PKD2: variants seen among roughly 807,000 people sequenced by gnomAD.
PKD2 encodes the protein polycystin 2, transient receptor potential cation channel.
PKD2 carries 48 observed loss-of-function variants against 105.9 expected under a neutral mutation model. The ratio of observed to expected loss-of-function variants is 0.45; its 90% confidence interval spans 0.36 to 0.58. The LOEUF (loss-of-function observed/expected upper bound fraction) is 0.58. Among genes scored for constraint, PKD2 ranks in the 20% least tolerant of loss-of-function variants. The pLI is 0.00. For synonymous variants in PKD2, 464 were observed against 481.1 expected, an observed-to-expected ratio of 0.96 and a Z score of 0.46; for missense variants, 1,078 against 1,255.3, an observed-to-expected ratio of 0.86 and a Z score of 2.13.
At chr4:88,042,009 C>T (rs1727582718) in intron 4 of PKD2, among the ~76,000 whole-genome samples, 1 of 152,302 alleles carries the variant, frequency 6.6e-6, no homozygotes, top group African/African-American at 2.4e-5. Flanking sequence ...CATGTTTGCC[C>T]TTCACAAGCT....
intron 1 of PKD2, among the ~76,000 whole-genome samples, chr4:88,014,486 T>TTA (rs1553923871): frequency 2.8e-5 from 4 of 144,708 alleles, no homozygotes; most frequent in Non-Finnish European, 6.0e-5. Flanking sequence ...ACACTGTCTC[T>TTA]AAAAAAAAAA....
chr4:88,007,676 A>G lies in PKD2; in HGVS notation c.-58A>G, dbSNP rs2110079898. On this transcript the variant is annotated 5_prime_UTR_variant, in exon 1 of 15. Coordinates refer to ENST00000237596, the MANE Select transcript of PKD2 (RefSeq NM_000297.4). Reference sequence around the variant, plus strand: ...CGGGAAGAAAGGAACATGGCTCCTGAGGCGCACAGCGCCGAGCGCGGCGCC... The same window carrying G: ...CGGGAAGAAAGGAACATGGCTCCTGGGGCGCACAGCGCCGAGCGCGGCGCC... 1 of 1,077,966 alleles carries G rather than the reference A, an allele frequency of 9.3e-7. No homozygotes were observed. The highest frequency in any genetic ancestry group is 1.1e-6 in the Non-Finnish European group (1 of 884,438). 66.8% of individuals were successfully genotyped at this position (1,077,966 alleles called of 1,614,324 possible).
At chr4:88,060,573 A>G (rs1720535508) in intron 9 of PKD2, among the ~76,000 whole-genome samples, 1 of 152,134 alleles carries the variant, frequency 6.6e-6, no homozygotes, top group Admixed American at 6.6e-5. Context: ...GGCCCTTACG[A>G]AGATTCCTCA....
chr4:88,075,668 A>C lies in PKD2; in HGVS notation c.2881A>C (p.Asn961His). ...STEGMEGAGG[N>H]GSSNVHV Reference sequence around the variant, plus strand: ...AGAAGGCATGGAAGGTGCAGGTGGAAATGGGAGTTCTAATGTCCACGTATG... The same window carrying C: ...AGAAGGCATGGAAGGTGCAGGTGGACATGGGAGTTCTAATGTCCACGTATG... The change falls in exon 15 of 15, where the codon AAT (asparagine) becomes CAT (histidine). Residue 961 changes from asparagine (N) to histidine (H), a missense_variant. Asn to His is a moderately conservative substitution (Grantham distance 68). This residue lies in a region of PKD2 where 868 missense variants were observed against 1,067.3 expected (regional missense o/e 0.81). Coordinates refer to ENST00000237596, the MANE Select transcript of PKD2 (RefSeq NM_000297.4). The C allele has an allele frequency of 6.2e-7, 1 of 1,613,370 alleles. No individual in the cohort carries two copies. Among genetic ancestry groups the C allele is most frequent in the Non-Finnish European group, 8.5e-7 (1 of 1,179,352 alleles).
rs924262746 is a variant in PKD2 at position 88,077,023 on chromosome 4, G to A, written c.*1329G>A. On this transcript the variant is annotated 3_prime_UTR_variant, in exon 15 of 15. Coordinates refer to ENST00000237596, the MANE Select transcript of PKD2 (RefSeq NM_000297.4). ...AGAGGGTCTCACCCAAATTTATGGG[G>A]AGAAATCTATTTCTCAAAAAAAAAA... 5 of 151,952 alleles carry A rather than the reference G, an allele frequency of 3.3e-5. No homozygotes were observed. Among genetic ancestry groups the A allele is most frequent in the African/African-American group, 1.2e-4 (5 of 41,382 alleles). 9.4% of individuals were successfully genotyped at this position (151,952 alleles called of 1,614,324 possible).
At chr4:88,075,417 C>T in intron 14 of PKD2, 41 bp from the exon 15 acceptor site, 4 of 1,447,020 alleles carry the variant, frequency 2.8e-6, no homozygotes, top group Non-Finnish European at 3.9e-6. Context: ...AAGGCATTTC[C>T]TTCTACTGCC....
Position 88,075,454 on chromosome 4 carries a change from T to C in PKD2, c.2671-4T>C, listed in dbSNP as rs1157698574. 1 of 1,610,920 alleles carries C rather than the reference T, an allele frequency of 6.2e-7. No homozygotes were observed. Among genetic ancestry groups the C allele is most frequent in the African/African-American group, 1.3e-5 (1 of 74,860 alleles). ...CCAACACCAGTTTCTTTTTCCCTTT[T>C]TAGGATGAAAGGCTGGGTCGTGACA... is the stretch of plus-strand genomic sequence containing the variant. On this transcript the variant is annotated splice_polypyrimidine_tract_variant and splice_region_variant and intron_variant, in intron 14 of 14. Transcript: ENST00000237596.
In PKD2 at chr4:88,034,668, CAA is replaced by C. The variant is rs61534136; in HGVS notation, c.710-1533_710-1532del. Among the ~76,000 whole-genome samples, 22 of 71,880 alleles carry C rather than the reference CAA, an allele frequency of 3.1e-4. 1 individual carries two copies. The highest frequency in any genetic ancestry group is 2.6e-3 in the South Asian group (5 of 1,916). The allele number at this position is 71,880 out of a possible 152,430, so 47.2% of individuals were successfully genotyped here. Reference sequence around the variant, plus strand: ...GGGCAACAACAGTGAAACTCCGTCTCAAAAAAAAAAAAAAAAAAAAGGCAGAG... The same window carrying C: ...GGGCAACAACAGTGAAACTCCGTCTCAAAAAAAAAAAAAAAAAAGGCAGAG... On this transcript the variant is annotated intron_variant, in intron 2 of 14. Coordinates refer to ENST00000237596, the MANE Select transcript of PKD2 (RefSeq NM_000297.4).
intron 5 of PKD2, among the ~76,000 whole-genome samples, chr4:88,046,102 C>A (rs1178359707): frequency 2.7e-5 from 4 of 150,102 alleles, no homozygotes; most frequent in African/African-American, 7.4e-5. Flanking sequence ...CCAACCTGGG[C>A]AAAAGGGCAA....
intron 13 of PKD2, among the ~76,000 whole-genome samples, chr4:88,071,920 C>T (rs1721048005): frequency 6.6e-6 from 1 of 151,084 alleles, no homozygotes; most frequent in South Asian, 2.1e-4. Context: ...ATTTGCTCCA[C>T]AGTCTGATCC....
At chr4:88,048,963 C>A (rs939461092) in intron 6 of PKD2, among the ~76,000 whole-genome samples, 3 of 152,172 alleles carry the variant, frequency 2.0e-5, no homozygotes, top group Non-Finnish European at 2.9e-5. Flanking sequence ...AGGATGCAAA[C>A]CCTGCCTCTT....
chr4:88,056,026 A>T, intron 7 of PKD2, 60 bp from the exon 8 acceptor site: 1 of 1,032,168 alleles, frequency 9.7e-7, no homozygotes, highest in Non-Finnish European at 1.5e-6. Context: ...ATGTTTTATT[A>T]TATACAGTCA....
chr4:88,064,379 G>A (rs1720706590), intron 10 of PKD2, among the ~76,000 whole-genome samples: 1 of 152,168 alleles, frequency 6.6e-6, no homozygotes, highest in Non-Finnish European at 1.5e-5. Flanking sequence ...ACATTTTAGT[G>A]TATTAAATCA....
chr4:88,026,476 C>T (rs925231483), intron 2 of PKD2, among the ~76,000 whole-genome samples: 2 of 152,038 alleles, frequency 1.3e-5, no homozygotes, highest in Admixed American at 1.3e-4. Flanking sequence ...TATGTGCTCA[C>T]AAAGAGATGG....
intron 12 of PKD2, among the ~76,000 whole-genome samples, chr4:88,066,597 C>T (rs1720805848): frequency 6.6e-6 from 1 of 152,072 alleles, no homozygotes; most frequent in Admixed American, 6.5e-5. Context: ...AAGCAATCTG[C>T]CCACCTTGGC....
intron 10 of PKD2, among the ~76,000 whole-genome samples, chr4:88,064,877 G>A (rs1261207324): frequency 6.6e-6 from 1 of 152,116 alleles, no homozygotes; most frequent in Non-Finnish European, 1.5e-5. Context: ...GGGTGACAGA[G>A]TAAGATCCTG....
chr4:88,010,209 C>A (rs895160562), intron 1 of PKD2, among the ~76,000 whole-genome samples: 3 of 152,090 alleles, frequency 2.0e-5, no homozygotes, highest in African/African-American at 7.2e-5. Context: ...GCCCTCCCAC[C>A]TCAGCTTCCC....
At chr4:88,036,508 C>T in intron 3 of PKD2, 155 bp downstream of exon 3, 1 of 762,760 alleles carries the variant, frequency 1.3e-6, no homozygotes, top group African/African-American at 1.9e-5. Flanking sequence ...ACTGTTCCTA[C>T]TCTCAAAGGG....
At chr4:88,016,918 A>G (rs1407727347) in intron 1 of PKD2, among the ~76,000 whole-genome samples, 1 of 151,786 alleles carries the variant, frequency 6.6e-6, no homozygotes, top group Non-Finnish European at 1.5e-5. Context: ...GTGGGCCATG[A>G]TTGTGCCAGA....
Sources: gnomAD v4.1 joint callset for allele counts (sites outside exome capture counted in the v4.1 genomes callset) on GRCh38, gnomAD v4.1.1 for gene constraint, gnomAD v4.1.1 regional missense constraint, MANE v1.5 for transcripts, NCBI Gene and HGNC (gene_info 2026-07-23, HGNC 2026-07-21) for gene names.